The following HLCS variants were observed in gnomAD, a reference collection of about 807,000 sequenced individuals.
The protein encoded by HLCS is holocarboxylase synthetase.
In HLCS, 53 loss-of-function variants were observed where a neutral mutation model predicts 75.0. The ratio of observed to expected loss-of-function variants is 0.71; its 90% CI spans 0.57 to 0.89. The LOEUF (loss-of-function observed/expected upper bound fraction) is 0.89, where lower values mean the gene tolerates loss of function less well. Ranked by LOEUF, HLCS falls within the 40% of genes least tolerant of loss-of-function variation. HLCS has a pLI of 0.00. For synonymous variants in HLCS, 431 were observed against 428.6 expected, an observed-to-expected ratio of 1.01 and a Z score of -0.07; for missense variants, 966 against 1,074.0, an observed-to-expected ratio of 0.90 and a Z score of 1.41.
intron 5 of HLCS, among the ~76,000 whole-genome samples, chr21:36,906,677 CTTT>C (rs59652867): frequency 8.4e-5 from 11 of 131,368 alleles, no homozygotes; most frequent in Admixed American, 7.7e-5. Flanking sequence ...TCCCAGAAGG[CTTT>C]TTTTTTTTTT....
chr21:36,956,544 C>T (rs557154599), intron 2 of HLCS, among the ~76,000 whole-genome samples: 15 of 151,858 alleles, frequency 9.9e-5, no homozygotes, highest in East Asian at 3.9e-4. Context: ...CTGGCTAACA[C>T]GGTGAAACCC....
Position 36,759,834 on chromosome 21 carries a change from T to C in HLCS, c.2129A>G (p.Asn710Ser), listed in dbSNP as rs770632911. ...VRSIPEYQDI[N>S]LRVKWPNDIY... ...ATCGTTGGGCCACTTCACTCGTAAG[T>C]TGATATCCTAAAGGGAAATCTGCAC... is the stretch of plus-strand genomic sequence containing the variant. Residue 710 changes from asparagine (N) to serine (S), a missense_variant, in exon 9 of 11, where the codon AAC (asparagine) becomes AGC (serine). Transcript: ENST00000674895. 2 of 1,601,456 alleles carry C rather than the reference T, an allele frequency of 1.2e-6. No individual in the cohort carries two copies. Among genetic ancestry groups the C allele is most frequent in the East Asian group, 2.2e-5 (1 of 44,804 alleles).
intron 6 of HLCS, among the ~76,000 whole-genome samples, chr21:36,892,138 A>C (rs894590048): frequency 1.3e-5 from 2 of 152,192 alleles, no homozygotes; most frequent in African/African-American, 4.8e-5. Context: ...TCTCTACAGA[A>C]ACCTTAAGGC....
intron 6 of HLCS, among the ~76,000 whole-genome samples, chr21:36,820,989 C>T (rs941338117): frequency 6.6e-6 from 1 of 152,138 alleles, no homozygotes; most frequent in East Asian, 1.9e-4. Context: ...CCAGCCCTAG[C>T]GCCTGGGACG....
intron 6 of HLCS, among the ~76,000 whole-genome samples, chr21:36,834,580 G>A (rs139975424): frequency 1.3e-5 from 2 of 151,904 alleles, no homozygotes; most frequent in South Asian, 2.1e-4. Context: ...TTTTTGAGAC[G>A]GAGTCTCACT....
At chr21:36,856,981 T>C (rs555883322) in intron 6 of HLCS, among the ~76,000 whole-genome samples, 3 of 152,256 alleles carry the variant, frequency 2.0e-5, no homozygotes, top group Non-Finnish European at 4.4e-5. Context: ...TCACTTTGCA[T>C]GGTCCCACAT....
chr21:36,877,282 GTTAA>G (rs762993150), intron 6 of HLCS, among the ~76,000 whole-genome samples: 2 of 151,870 alleles, frequency 1.3e-5, no homozygotes, highest in African/African-American at 2.4e-5. Context: ...AAACCATTTG[GTTAA>G]TTTTTATTTT....
rs991318045 is a variant in HLCS, at chr21:36,754,662, G to A, written c.2451-245C>T. ...AGGAGTCGAAATTTCTTCACACAAC[G>A]TCACTCCTCCTAATTCTGGTCATCT... On this transcript the variant is annotated intron_variant, in intron 10 of 10. Transcript: ENST00000674895. 6.6e-5 allele frequency among the ~76,000 whole-genome samples: 10 copies of A among 152,250 alleles called. No homozygotes were observed. In the South Asian group the frequency reaches 1.0e-3, roughly 16 times the overall value.
At chr21:36,986,992 AATTC>A (rs1305336474) in intron 1 of HLCS, 2 of 152,176 alleles carry the variant, frequency 1.3e-5, no homozygotes, top group African/African-American at 4.8e-5. Context: ...TCAACGTGAT[AATTC>A]ATTATTGCCA....
At chr21:36,866,399 G>A (rs117961998) in intron 6 of HLCS, among the ~76,000 whole-genome samples, 3,951 of 152,218 alleles carry the variant, frequency 0.026, 87 homozygotes, top group Non-Finnish European at 0.036. Flanking sequence ...CCATTTTGAC[G>A]GTCATTACAC....
At chr21:36,769,121 C>T (rs1279650141) in intron 6 of HLCS, among the ~76,000 whole-genome samples, 1 of 152,170 alleles carries the variant, frequency 6.6e-6, no homozygotes, top group Non-Finnish European at 1.5e-5. Flanking sequence ...CAAACACAGA[C>T]TTCTAGAACA....
At chr21:36,844,292 A>G (rs569681662) in intron 6 of HLCS, among the ~76,000 whole-genome samples, 87 of 152,262 alleles carry the variant, frequency 5.7e-4, no homozygotes, top group Non-Finnish European at 1.2e-3. Context: ...AAGCTCGTCA[A>G]TTGTAATAAA....
At chr21:36,906,074 A>AAAC in intron 5 of HLCS, among the ~76,000 whole-genome samples, 1 of 151,626 alleles carries the variant, frequency 6.6e-6, no homozygotes, top group Non-Finnish European at 1.5e-5. Flanking sequence ...ACAAAACAAA[A>AAAC]ATTGGGTGCA....
chr21:36,797,733 G>A (rs949059102), intron 6 of HLCS, among the ~76,000 whole-genome samples: 2 of 152,220 alleles, frequency 1.3e-5, no homozygotes, highest in East Asian at 1.9e-4. Flanking sequence ...AGCCGTTAGC[G>A]TAGGATGCAA....
In HLCS at chr21:36,884,052, G is replaced by A. The variant is rs191940797; in HGVS notation, c.1892+12808C>T. On this transcript the variant is annotated intron_variant, in intron 6 of 10. Transcript: ENST00000674895. ...GCAATTCACATGGTCACCCAGACCC[G>A]GAGAGAGTAGTTCTGTGCGTGGATG... Among the ~76,000 whole-genome samples, 301 of 152,314 alleles carry A rather than the reference G, an allele frequency of 2.0e-3. 2 individuals are homozygous for A. Among genetic ancestry groups the A allele is most frequent in the African/African-American group, 6.5e-3 (269 of 41,564 alleles).
intron 5 of HLCS, among the ~76,000 whole-genome samples, chr21:36,899,955 A>C (rs1045109188): frequency 1.3e-5 from 2 of 152,040 alleles, no homozygotes; most frequent in African/African-American, 4.8e-5. Flanking sequence ...AATACAAAAA[A>C]TTAGCCATGC....
intron 6 of HLCS, among the ~76,000 whole-genome samples, chr21:36,821,459 T>A (rs1178733165): frequency 6.6e-6 from 1 of 152,226 alleles, no homozygotes; most frequent in Non-Finnish European, 1.5e-5. Context: ...TTCACTGGCA[T>A]CCCCAGCTAA....
chr21:36,818,893 G>C (rs1311276385), intron 6 of HLCS, among the ~76,000 whole-genome samples: 1 of 152,128 alleles, frequency 6.6e-6, no homozygotes. Context: ...TCATAGCGGT[G>C]GGCCTAATAT....
At chr21:36,870,190 G>A (rs1247821167) in intron 6 of HLCS, among the ~76,000 whole-genome samples, 1 of 152,016 alleles carries the variant, frequency 6.6e-6, no homozygotes, top group African/African-American at 2.4e-5. Context: ...GCAGCCTCTG[G>A]CCACCAGTGA....
Sources: gnomAD v4.1 joint callset for allele counts (sites outside exome capture counted in the v4.1 genomes callset) on GRCh38, gnomAD v4.1.1 for gene constraint, MANE v1.5 for transcripts, NCBI Gene and HGNC (gene_info 2026-07-23, HGNC 2026-07-21) for gene names.